PTK2: variants seen among roughly 807,000 people sequenced by gnomAD.
PTK2 encodes protein tyrosine kinase 2.
In PTK2, 45 loss-of-function variants were observed where a neutral mutation model predicts 150.1. The ratio of observed to expected loss-of-function variants is 0.30; its 90% CI spans 0.24 to 0.38. The LOEUF (loss-of-function observed/expected upper bound fraction) is 0.38, where lower values mean the gene tolerates loss of function less well. Among genes scored for constraint, PTK2 ranks in the 10% least tolerant of loss-of-function variants. PTK2 has a pLI of 1.00. For missense variants in PTK2, 919 were observed against 1,307.3 expected (o/e 0.70, Z 4.58); for synonymous variants, 432 against 449.2 (o/e 0.96, Z 0.48).
intron 3 of PTK2, among the ~76,000 whole-genome samples, chr8:140,889,862 G>T (rs2154607369): frequency 6.6e-6 from 1 of 152,274 alleles, no homozygotes; most frequent in East Asian, 1.9e-4. Flanking sequence ...CCTTTGCCTA[G>T]CATGCTCTTC....
chr8:140,896,809 A>C (rs2100156507), intron 2 of PTK2, among the ~76,000 whole-genome samples: 1 of 142,378 alleles, frequency 7.0e-6, no homozygotes, highest in African/African-American at 2.5e-5. Context: ...GGTGGGTAAA[A>C]CATAAACATT....
chr8:140,787,003 G>T (rs1033194450), intron 14 of PTK2, among the ~76,000 whole-genome samples: 22 of 152,114 alleles, frequency 1.4e-4, no homozygotes, highest in African/African-American at 5.1e-4. Context: ...GGAGAAGTGG[G>T]TGGTGGGCAG....
intron 2 of PTK2, among the ~76,000 whole-genome samples, chr8:140,904,528 G>T (rs1461886808): frequency 6.6e-6 from 1 of 152,148 alleles, no homozygotes; most frequent in Non-Finnish European, 1.5e-5. Context: ...AGTTAGGGAA[G>T]AGTCCCTCTT....
intron 2 of PTK2, among the ~76,000 whole-genome samples, chr8:140,904,471 G>C (rs377496491): frequency 6.6e-6 from 1 of 152,076 alleles, no homozygotes; most frequent in Non-Finnish European, 1.5e-5. Flanking sequence ...TTTTTCTTGT[G>C]TGTCTGCCAA....
intron 4 of PTK2, among the ~76,000 whole-genome samples, chr8:140,866,627 C>T (rs1416869250): frequency 6.6e-6 from 1 of 152,148 alleles, no homozygotes; most frequent in Non-Finnish European, 1.5e-5. Context: ...CAGTCACTGG[C>T]ATATCATAAT....
chr8:140,870,940 G>A lies in PTK2; in HGVS notation c.363-6541C>T, dbSNP rs142916795. Among the ~76,000 whole-genome samples, 560 of 152,148 alleles carry A rather than the reference G, an allele frequency of 3.7e-3. 4 individuals carry two copies. The highest frequency in any genetic ancestry group is 5.8e-3 in the Non-Finnish European group (392 of 67,994). ...CCCTAGGGGACAACTGGCAGTAACT[G>A]GACACATTTTTGCCTGTTACAACTG... On this transcript the variant is annotated intron_variant, in intron 4 of 31. Transcript: ENST00000522684.
At chr8:140,879,280 TA>T in intron 4 of PTK2, 190 bp downstream of exon 4, 1 of 516,796 alleles carries the variant, frequency 1.9e-6, no homozygotes, top group Non-Finnish European at 3.1e-6. Context: ...GTATAATTAA[TA>T]ATACCCAAAA....
chr8:140,658,863 G>A (rs985023585), exon 32 of PTK2: 11 of 225,830 alleles, frequency 4.9e-5, no homozygotes, highest in African/African-American at 1.3e-4. Context: ...ATATCCACAC[G>A]AAAGTAAAAG....
At chr8:140,686,722 A>G in intron 26 of PTK2, 28 bp from the exon 30 acceptor site, 1 of 1,589,622 alleles carries the variant, frequency 6.3e-7, no homozygotes, top group Non-Finnish European at 8.6e-7. Flanking sequence ...AAATCAAAAC[A>G]ATTTCATTTT....
intron 25 of PTK2, among the ~76,000 whole-genome samples, chr8:140,701,701 C>T (rs1202011804): frequency 6.6e-6 from 1 of 152,176 alleles, no homozygotes; most frequent in Non-Finnish European, 1.5e-5. Flanking sequence ...GACGATAGTC[C>T]ACTTAGGGCT....
At chr8:140,910,731 G>A (rs1448763457) in intron 2 of PTK2, among the ~76,000 whole-genome samples, 5 of 152,138 alleles carry the variant, frequency 3.3e-5, no homozygotes, top group African/African-American at 4.8e-5. Flanking sequence ...ATAGTCACAT[G>A]AAGTGACTGG....
intron 29 of PTK2, chr8:140,672,241 C>T (rs1203778150): frequency 4.9e-6 from 2 of 405,856 alleles, no homozygotes; most frequent in Non-Finnish European, 4.9e-6. Flanking sequence ...GTTGCGCAGG[C>T]CAGATTCAAA....
intron 14 of PTK2, among the ~76,000 whole-genome samples, chr8:140,766,367 C>T (rs911035348): frequency 3.0e-4 from 46 of 152,172 alleles, no homozygotes; most frequent in African/African-American, 1.1e-3. Flanking sequence ...TGCACCAAAG[C>T]TTATGCTGGC....
intron 25 of PTK2, 122 bp downstream of exon 28, chr8:140,702,448 G>A: frequency 6.3e-6 from 8 of 1,272,636 alleles, no homozygotes; most frequent in Admixed American, 2.2e-5. Context: ...CAAACTCTGG[G>A]GCTCAAGCAA....
At chr8:140,723,682 A>G (rs1469277773) in intron 22 of PTK2, among the ~76,000 whole-genome samples, 2 of 152,228 alleles carry the variant, frequency 1.3e-5, no homozygotes, top group Non-Finnish European at 2.9e-5. Context: ...ATGAGCCCTC[A>G]TGTTTTTTCC....
intron 21 of PTK2, among the ~76,000 whole-genome samples, chr8:140,738,526 A>G (rs993115732): frequency 5.3e-5 from 8 of 152,324 alleles, no homozygotes; most frequent in Middle Eastern, 3.4e-3. Flanking sequence ...AAAAAAGCAG[A>G]AGCTACAGAA....
Position 140,659,426 on chromosome 8 carries a change from T to C in PTK2, c.*40A>G, listed in dbSNP as rs757012829. On this transcript the variant is annotated 3_prime_UTR_variant, in exon 32 of 32. Transcript: ENST00000522684. ...GCTGCTGGTGGAAGGCTAGAGAACATCTTCAAAAGAGGGTAGCAAGACGTG... is the reference window on the plus strand; with the variant it reads ...GCTGCTGGTGGAAGGCTAGAGAACACCTTCAAAAGAGGGTAGCAAGACGTG... The C allele has an allele frequency of 2.8e-5, 43 of 1,551,028 alleles. No individual in the cohort carries two copies. In the South Asian group the frequency reaches 4.4e-4, roughly 16 times the overall value.
intron 14 of PTK2, among the ~76,000 whole-genome samples, chr8:140,777,468 A>G (rs2100079110): frequency 6.6e-6 from 1 of 152,222 alleles, no homozygotes; most frequent in African/African-American, 2.4e-5. Context: ...CTGCCTCATG[A>G]TTCAAGCACC....
chr8:140,671,651 T>C (rs377104579), intron 29 of PTK2, among the ~76,000 whole-genome samples: 60 of 151,086 alleles, frequency 4.0e-4, no homozygotes, highest in African/African-American at 1.1e-3. Flanking sequence ...CGGTGGCTCA[T>C]GCCTGTAATC....
Sources: gnomAD v4.1 joint callset for allele counts (sites outside exome capture counted in the v4.1 genomes callset) on GRCh38, gnomAD v4.1.1 for gene constraint, MANE v1.5 for transcripts, NCBI Gene and HGNC (gene_info 2026-07-23, HGNC 2026-07-21) for gene names.